KCNQ5: variants seen among roughly 807,000 people sequenced by gnomAD.
KCNQ5 encodes the protein potassium voltage-gated channel subfamily Q member 5.
Under a neutral mutation model 98.2 loss-of-function variants are expected in KCNQ5, and 30 were observed. The observed-to-expected ratio is 0.31, with a 90% CI of 0.23 to 0.41. The LOEUF is 0.41. KCNQ5 is among the 10% of genes least tolerant of loss of function. KCNQ5 has a pLI of 1.00. For missense variants in KCNQ5, 835 were observed against 1,182.5 expected (o/e 0.71, Z 4.31); for synonymous variants, 458 against 449.4 (o/e 1.02, Z -0.24).
chr6:73,145,534 T>C (rs1274196616), intron 10 of KCNQ5, among the ~76,000 whole-genome samples: 1 of 152,260 alleles, frequency 6.6e-6, no homozygotes, highest in African/African-American at 2.4e-5. Context: ...TATCATTGCA[T>C]ACACTACAAA....
Position 73,085,948 on chromosome 6 carries a change from G to A in KCNQ5, c.918+8061G>A, listed in dbSNP as rs1337605840. On this transcript the variant is annotated intron_variant, in intron 5 of 13. Transcript: ENST00000370398. ...TTCAGTCTATTATTATTAATAAACC[G>A]ATGTAAAAGGATTAAGCTATTTTTC... 2.6e-5 allele frequency among the ~76,000 whole-genome samples: 4 copies of A among 152,118 alleles called. No homozygotes were observed. The South Asian group carries it at 6.2e-4, about 24-fold the overall frequency.
At chr6:72,870,745 CT>C (rs1778171251) in intron 1 of KCNQ5, among the ~76,000 whole-genome samples, 2 of 152,230 alleles carry the variant, frequency 1.3e-5, no homozygotes, top group East Asian at 3.9e-4. Flanking sequence ...TTGAATGCCC[CT>C]ATACCTAACA....
chr6:73,110,206 C>T (rs184820031), intron 6 of KCNQ5, among the ~76,000 whole-genome samples: 4 of 151,848 alleles, frequency 2.6e-5, no homozygotes, highest in African/African-American at 9.6e-5. Context: ...GGGTTAGACT[C>T]CTTGAAGTTT....
intron 1 of KCNQ5, among the ~76,000 whole-genome samples, chr6:72,786,573 C>T (rs1773752211): frequency 6.6e-6 from 1 of 152,134 alleles, no homozygotes; most frequent in Non-Finnish European, 1.5e-5. Flanking sequence ...TCATTTGTCT[C>T]AGTGATTTCT....
At chr6:73,066,421 G>A (rs769055080) in intron 3 of KCNQ5, among the ~76,000 whole-genome samples, 1 of 152,036 alleles carries the variant, frequency 6.6e-6, no homozygotes, top group Non-Finnish European at 1.5e-5. Context: ...GCTCCATGAG[G>A]GCAGAAAACT....
intron 1 of KCNQ5, among the ~76,000 whole-genome samples, chr6:72,980,162 CT>C (rs577009588): frequency 0.021 from 3,225 of 152,096 alleles, 51 homozygotes; most frequent in Non-Finnish European, 0.032. Flanking sequence ...AATGTGGGCT[CT>C]TTTTTTGGTT....
intron 1 of KCNQ5, chr6:72,986,442 CAAT>C: frequency 1.7e-5 from 8 of 470,614 alleles, no homozygotes; most frequent in Non-Finnish European, 3.1e-5. Context: ...ACCAGAGACT[CAAT>C]ACTCAATTTT....
At chr6:72,678,016 A>C (rs769133) in intron 1 of KCNQ5, among the ~76,000 whole-genome samples, 77,787 of 152,040 alleles carry the variant, frequency 0.51, 23,129 homozygotes, top group African/African-American at 0.82. Context: ...GAAAAAAAGA[A>C]ATTTTATTAA....
chr6:73,179,338 A>G (rs1347843152), intron 11 of KCNQ5, among the ~76,000 whole-genome samples: 1 of 152,166 alleles, frequency 6.6e-6, no homozygotes. Context: ...CAGAGTGAGC[A>G]TGCTAAGTGC....
chr6:73,011,528 A>C (rs1770060393), intron 2 of KCNQ5, among the ~76,000 whole-genome samples: 2 of 152,150 alleles, frequency 1.3e-5, no homozygotes, highest in South Asian at 4.1e-4. Context: ...AGAAGAAAAC[A>C]TAAGGCAAAA....
At chr6:72,738,536 A>C (rs1011826000) in intron 1 of KCNQ5, among the ~76,000 whole-genome samples, 2 of 152,118 alleles carry the variant, frequency 1.3e-5, no homozygotes, top group African/African-American at 2.4e-5. Context: ...ATAATATCTT[A>C]TGTTTCTTTA....
chr6:72,806,961 G>T (rs1774990941), intron 1 of KCNQ5: 1 of 315,882 alleles, frequency 3.2e-6, no homozygotes, highest in East Asian at 1.1e-4. Context: ...AGCAGCCTTT[G>T]TCTCTGTTAC....
chr6:72,776,156 A>C (rs899322289), intron 1 of KCNQ5, among the ~76,000 whole-genome samples: 3 of 152,176 alleles, frequency 2.0e-5, no homozygotes, highest in Admixed American at 6.5e-5. Context: ...AAAATAATAA[A>C]CAATTCATAG....
chr6:73,123,748 A>G (rs1775837766), intron 8 of KCNQ5, among the ~76,000 whole-genome samples: 1 of 152,204 alleles, frequency 6.6e-6, no homozygotes, highest in Admixed American at 6.5e-5. Flanking sequence ...ATGGGGAATT[A>G]TCAAGCTCCA....
chr6:73,125,903 C>T (rs1356890423), intron 9 of KCNQ5, among the ~76,000 whole-genome samples: 2 of 152,002 alleles, frequency 1.3e-5, no homozygotes, highest in African/African-American at 4.8e-5. Context: ...TCATTCTTCC[C>T]CACCTAAGAA....
chr6:72,854,097 A>G (rs924038201), intron 1 of KCNQ5, among the ~76,000 whole-genome samples: 4 of 152,204 alleles, frequency 2.6e-5, no homozygotes, highest in African/African-American at 9.6e-5. Context: ...CGGATATACC[A>G]TGAGAACGCT....
chr6:72,677,456 A>G (rs1225548995), intron 1 of KCNQ5, among the ~76,000 whole-genome samples: 1 of 152,190 alleles, frequency 6.6e-6, no homozygotes, highest in Non-Finnish European at 1.5e-5. Context: ...GAACTTTTCT[A>G]AGTTATTTAA....
At chr6:73,054,854 C>T (rs2150369006) in intron 3 of KCNQ5, among the ~76,000 whole-genome samples, 1 of 152,250 alleles carries the variant, frequency 6.6e-6, no homozygotes, top group South Asian at 2.1e-4. Context: ...AGCAATCAGG[C>T]AAGAGAAAGA....
At chr6:72,636,156 A>G (rs887891708) in intron 1 of KCNQ5, among the ~76,000 whole-genome samples, 1 of 152,170 alleles carries the variant, frequency 6.6e-6, no homozygotes, top group Admixed American at 6.5e-5. Context: ...ATAAATTAGA[A>G]ATTAGTTTTT....
Sources: gnomAD v4.1 joint callset for allele counts (sites outside exome capture counted in the v4.1 genomes callset) on GRCh38, gnomAD v4.1.1 for gene constraint, MANE v1.5 for transcripts, NCBI Gene and HGNC (gene_info 2026-07-23, HGNC 2026-07-21) for gene names.